IL1RAPL1: variants seen among roughly 807,000 people sequenced by gnomAD.
IL1RAPL1 encodes interleukin 1 receptor accessory protein like 1, also known as interleukin-1 receptor accessory protein-like 1.
IL1RAPL1 carries 3 observed loss-of-function variants against 48.4 expected under a neutral mutation model. The observed-to-expected ratio is 0.06, with a 90% CI of 0.03 to 0.16. IL1RAPL1 has a LOEUF of 0.16. Among genes scored for constraint, IL1RAPL1 ranks in the 10% least tolerant of loss-of-function variants. The probability of loss-of-function intolerance (pLI) is 1.00; values close to 1 mark genes in which losing one functional copy is unlikely to be tolerated. For missense variants in IL1RAPL1, 349 were observed against 530.6 expected, an observed-to-expected ratio of 0.66 and a Z score of 3.36; for synonymous variants, 185 against 187.7, an observed-to-expected ratio of 0.99 and a Z score of 0.12.
chrX:29,823,207 G>A (rs1223450207), intron 6 of IL1RAPL1, among the ~76,000 whole-genome samples: 1 of 111,396 alleles, frequency 9.0e-6, no homozygotes, highest in Non-Finnish European at 1.9e-5. Flanking sequence ...AAGATGGGTT[G>A]TCACAATGGG....
chrX:29,057,620 G>T (rs765463203), intron 2 of IL1RAPL1, among the ~76,000 whole-genome samples: 2 of 110,291 alleles, frequency 1.8e-5, no homozygotes, highest in South Asian at 7.8e-4. Flanking sequence ...ATAGAGATGG[G>T]GTTTCACCAT....
chrX:29,118,376 C>T (rs1393462907), intron 2 of IL1RAPL1, among the ~76,000 whole-genome samples: 1 of 111,521 alleles, frequency 9.0e-6, no homozygotes, highest in African/African-American at 3.2e-5. Flanking sequence ...TAAAGGGACA[C>T]AGAGAAGTTA....
At chrX:29,683,334 G>A (rs1274350858) in intron 6 of IL1RAPL1, among the ~76,000 whole-genome samples, 3 of 111,843 alleles carry the variant, frequency 2.7e-5, no homozygotes, top group Admixed American at 9.4e-5. Context: ...TCCCCAAGAC[G>A]CCAAGACTTC....
chrX:28,980,862 G>A (rs1225916907), intron 2 of IL1RAPL1, among the ~76,000 whole-genome samples: 1 of 108,394 alleles, frequency 9.2e-6, no homozygotes, highest in Non-Finnish European at 1.9e-5. Flanking sequence ...GTCAAAGCAG[G>A]AGGATCTCTT....
chrX:28,609,363 G>A lies in IL1RAPL1; in HGVS notation c.-25+21316G>A, dbSNP rs185035862. Among the ~76,000 whole-genome samples the A allele has an allele frequency of 1.1e-4, 12 of 110,831 alleles. No individual in the cohort carries two copies. The East Asian group carries it at 3.4e-3, about 32-fold the overall frequency. ...GATCACTGTTGTTATTATCATTGGT[G>A]TTGTTTTTTGACCCAGAGGTTATAC... On this transcript the variant is annotated intron_variant, in intron 1 of 10. Coordinates refer to ENST00000378993, the MANE Select transcript of IL1RAPL1 (RefSeq NM_014271.4).
At chrX:29,403,363 GTA>G (rs969389420) in intron 5 of IL1RAPL1, among the ~76,000 whole-genome samples, 4 of 110,739 alleles carry the variant, frequency 3.6e-5, no homozygotes, top group Non-Finnish European at 7.6e-5. Flanking sequence ...GTGTGTGTGT[GTA>G]TGTATGTTTG....
rs749580250 is a variant in IL1RAPL1 at position 29,942,968 on chromosome X, AG to A, written c.1201+1175del. Reference sequence around the variant, plus strand: ...TTTTTTCAGTGATTTTCAGTTTTGCAGTAAATGGTACCAAGGAAAATGAGGC... The same window carrying A: ...TTTTTTCAGTGATTTTCAGTTTTGCATAAATGGTACCAAGGAAAATGAGGC... On this transcript the variant is annotated intron_variant, in intron 9 of 10. Transcript: ENST00000378993. 4.7e-3 allele frequency among the ~76,000 whole-genome samples: 518 copies of A among 109,946 alleles called. 5 individuals carry two copies. The highest frequency in any genetic ancestry group is 8.4e-3 in the Non-Finnish European group (444 of 52,722).
intron 2 of IL1RAPL1, among the ~76,000 whole-genome samples, chrX:29,080,990 TTCTTTC>T (rs1332185201): frequency 1.5e-3 from 41 of 28,152 alleles, no homozygotes; most frequent in African/African-American, 1.7e-3. Flanking sequence ...CTTTCTTTCT[TTCTTTC>T]TCTCTCTCTC....
chrX:28,955,425 A>T (rs919978632), intron 2 of IL1RAPL1, among the ~76,000 whole-genome samples: 1 of 111,412 alleles, frequency 9.0e-6, no homozygotes, highest in Non-Finnish European at 1.9e-5. Flanking sequence ...CAAATACATT[A>T]GGTCGAATCA....
chrX:29,662,162 C>CT (rs1925865115), intron 5 of IL1RAPL1, among the ~76,000 whole-genome samples: 2 of 111,789 alleles, frequency 1.8e-5, no homozygotes, highest in Admixed American at 1.9e-4. Context: ...CATTGTCACT[C>CT]TTTTTTTACA....
chrX:29,719,055 A>G (rs968310346), intron 6 of IL1RAPL1, among the ~76,000 whole-genome samples: 8 of 112,264 alleles, frequency 7.1e-5, no homozygotes, highest in African/African-American at 2.3e-4. Context: ...AGAGGAAAAT[A>G]TGTATCAGAG....
At chrX:28,710,342 T>A (rs778020237) in intron 1 of IL1RAPL1, among the ~76,000 whole-genome samples, 36 of 98,288 alleles carry the variant, frequency 3.7e-4, no homozygotes, top group Middle Eastern at 5.4e-3. Context: ...ATCAGGTAAA[T>A]AGGATTGGGG....
chrX:29,822,464 T>C (rs1278620978), intron 6 of IL1RAPL1, among the ~76,000 whole-genome samples: 1 of 111,599 alleles, frequency 9.0e-6, no homozygotes, highest in Non-Finnish European at 1.9e-5. Context: ...ATACACTTTT[T>C]TTTTTTGCAT....
At chrX:29,078,437 A>G (rs1459837880) in intron 2 of IL1RAPL1, among the ~76,000 whole-genome samples, 3 of 112,762 alleles carry the variant, frequency 2.7e-5, no homozygotes, top group Non-Finnish European at 5.6e-5. Flanking sequence ...TACACTTGCA[A>G]ATAGAATTGT....
chrX:28,809,038 A>C (rs902639751), intron 2 of IL1RAPL1, among the ~76,000 whole-genome samples: 1 of 110,809 alleles, frequency 9.0e-6, no homozygotes, highest in Admixed American at 9.7e-5. Flanking sequence ...CGGGTTGTCC[A>C]AACTCTTCTT....
At chrX:29,880,514 G>A (rs1569192350) in intron 6 of IL1RAPL1, among the ~76,000 whole-genome samples, 3 of 111,821 alleles carry the variant, frequency 2.7e-5, no homozygotes, top group Non-Finnish European at 3.8e-5. Context: ...AGTAGATACT[G>A]AGAGGTAAAT....
Position 29,798,052 on chromosome X carries a change from A to T in IL1RAPL1, c.779-119412A>T, listed in dbSNP as rs553594284. Among the ~76,000 whole-genome samples, 26 of 111,856 alleles carry T rather than the reference A, an allele frequency of 2.3e-4. No individual in the cohort carries two copies. The South Asian group carries it at 9.8e-3, about 42-fold the overall frequency. Reference sequence around the variant, plus strand: ...CTCAGCCCTGACTTGGAGTATCAGAAACTTTAAACCTGTTTGAACAAGCTC... The same window carrying T: ...CTCAGCCCTGACTTGGAGTATCAGATACTTTAAACCTGTTTGAACAAGCTC... On this transcript the variant is annotated intron_variant, in intron 6 of 10. Transcript: ENST00000378993.
intron 6 of IL1RAPL1, among the ~76,000 whole-genome samples, chrX:29,900,480 A>G (rs1281664726): frequency 1.8e-5 from 2 of 111,892 alleles, no homozygotes; most frequent in African/African-American, 6.5e-5. Flanking sequence ...GGCCCAACCT[A>G]TCCATGTAAA....
chrX:29,525,550 C>T (rs1277305271), intron 5 of IL1RAPL1, among the ~76,000 whole-genome samples: 1 of 111,593 alleles, frequency 9.0e-6, no homozygotes, highest in African/African-American at 3.3e-5. Context: ...AAATGTATTT[C>T]GAAGACACAG....
Sources: gnomAD v4.1 joint callset for allele counts (sites outside exome capture counted in the v4.1 genomes callset) on GRCh38, gnomAD v4.1.1 for gene constraint, MANE v1.5 for transcripts, NCBI Gene and HGNC (gene_info 2026-07-23, HGNC 2026-07-21) for gene names.